The following ZNF280D variants were observed in gnomAD, a reference collection of about 807,000 sequenced individuals.
The protein encoded by ZNF280D is zinc finger protein 280D.
In ZNF280D, 39 loss-of-function variants were observed where a neutral mutation model predicts 94.7. The observed-to-expected ratio is 0.41, with a 90% CI of 0.32 to 0.54. ZNF280D has a LOEUF of 0.54. ZNF280D is among the 20% of genes least tolerant of loss of function. The pLI is 0.22. For synonymous variants in ZNF280D, 398 were observed against 377.6 expected (o/e 1.05, Z -0.63); for missense variants, 1,090 against 1,149.3 (o/e 0.95, Z 0.75).
chr15:56,667,600 T>C (rs2054382471), intron 14 of ZNF280D, among the ~76,000 whole-genome samples: 1 of 152,198 alleles, frequency 6.6e-6, no homozygotes. Context: ...ATTTCATCTG[T>C]TGGTTGACAA....
intron 20 of ZNF280D, among the ~76,000 whole-genome samples, chr15:56,640,561 C>T (rs973092833): frequency 2.6e-5 from 4 of 152,098 alleles, no homozygotes; most frequent in Non-Finnish European, 4.4e-5. Flanking sequence ...TTATTTTATT[C>T]TCCTGGCTAA....
chr15:56,643,246 G>A, intron 19 of ZNF280D: 1 of 260,876 alleles, frequency 3.8e-6, no homozygotes, highest in Non-Finnish European at 7.2e-6. Context: ...CTAAAAACAA[G>A]GACACTTAAG....
chr15:56,726,285 C>G (rs1329640814), intron 1 of ZNF280D, among the ~76,000 whole-genome samples: 2 of 151,726 alleles, frequency 1.3e-5, no homozygotes, highest in African/African-American at 4.8e-5. Flanking sequence ...GGGTGGAACT[C>G]TAACTGTCCA....
intron 1 of ZNF280D, among the ~76,000 whole-genome samples, chr15:56,718,968 C>A (rs1744231312): frequency 1.3e-5 from 2 of 152,156 alleles, no homozygotes. Context: ...CTCACCTACT[C>A]CTTTTTAACT....
intron 17 of ZNF280D, among the ~76,000 whole-genome samples, chr15:56,656,385 C>T (rs1420354129): frequency 7.9e-5 from 12 of 152,036 alleles, no homozygotes; most frequent in African/African-American, 2.9e-4. Context: ...AAAAAACATC[C>T]CAGATCTTTA....
chr15:56,683,079 T>C (rs1310922058), intron 9 of ZNF280D, among the ~76,000 whole-genome samples: 1 of 152,118 alleles, frequency 6.6e-6, no homozygotes, highest in Non-Finnish European at 1.5e-5. Context: ...ATACCCATAA[T>C]AGATGATAAA....
Position 56,631,556 on chromosome 15 carries a change from T to C in ZNF280D, c.2882A>G (p.Asn961Ser). Residue 961 changes from asparagine to serine, a missense_variant, in exon 22 of 22, where the codon AAT (asparagine) becomes AGT (serine). Asn to Ser is a conservative substitution (Grantham distance 46). This residue lies in a region of ZNF280D where 577 missense variants were observed against 568.8 expected (regional missense o/e 1.01). Coordinates refer to ENST00000267807, the MANE Select transcript of ZNF280D (RefSeq NM_017661.4). ...SDQTDDIPGG[N>S]NPSTTEATVD... is the part of the protein sequence containing the mutation. The stretch of plus-strand genomic sequence containing the variant: ...TGTTGCCTCTGTTGTGCTAGGGTTA[T>C]TTCCTCCAGGAATGTCATCTGTTTG... The C allele has an allele frequency of 6.2e-7, 1 of 1,614,126 alleles. No individual in the cohort carries two copies. The highest frequency in any genetic ancestry group is 8.5e-7 in the Non-Finnish European group (1 of 1,180,004).
intron 6 of ZNF280D, chr15:56,698,731 AG>A: frequency 6.6e-6 from 1 of 152,318 alleles, no homozygotes; most frequent in East Asian, 1.9e-4. Flanking sequence ...CATCTTGCTA[AG>A]GACTCACTCT....
chr15:56,674,889 T>C (rs2055110803), intron 13 of ZNF280D, among the ~76,000 whole-genome samples: 1 of 151,968 alleles, frequency 6.6e-6, no homozygotes, highest in Non-Finnish European at 1.5e-5. Flanking sequence ...ACAACTGAGT[T>C]CTTCAAAGAC....
Position 56,666,553 on chromosome 15 carries a change from A to C in ZNF280D, c.1854-18T>G, listed in dbSNP as rs766066241. 1.2e-5 allele frequency: 19 copies of C among 1,560,600 alleles called. No individual in the cohort carries two copies. The highest frequency in any genetic ancestry group is 1.6e-5 in the Non-Finnish European group (19 of 1,163,304). On this transcript the variant is annotated intron_variant, in intron 15 of 21. Coordinates refer to ENST00000267807, the MANE Select transcript of ZNF280D (RefSeq NM_017661.4). ...GACGATACCTTAGGGAGACATTAAA[A>C]AAATGATAAAAATATATTTTAAAAC...
At chr15:56,673,160 A>AT (rs2054981561) in intron 13 of ZNF280D, among the ~76,000 whole-genome samples, 1 of 152,044 alleles carries the variant, frequency 6.6e-6, no homozygotes, top group African/African-American at 2.4e-5. Flanking sequence ...TGGTTTTTAA[A>AT]TACCATCTAT....
Position 56,669,888 on chromosome 15 carries a change from T to TATAA in ZNF280D, c.1411-932_1411-931insTTAT, listed in dbSNP as rs371784062. ...TATATATATTTTATATATATATATA[T>TATAA]TATATATATATATAATATATATATA... is the stretch of plus-strand genomic sequence containing the variant. On this transcript the variant is annotated intron_variant, in intron 13 of 21. Coordinates refer to ENST00000267807, the MANE Select transcript of ZNF280D (RefSeq NM_017661.4). 5.0e-3 allele frequency among the ~76,000 whole-genome samples: 24 copies of TATAA among 4,766 alleles called. 2 individuals are homozygous for TATAA. The highest frequency in any genetic ancestry group is 0.012 in the African/African-American group (24 of 2,066). The allele number at this position is 4,766 out of a possible 152,430, so 3.1% of individuals were successfully genotyped here.
At chr15:56,728,034 ATTTTTT>A (rs66766415) in intron 1 of ZNF280D, among the ~76,000 whole-genome samples, 36 of 146,716 alleles carry the variant, frequency 2.5e-4, no homozygotes, top group Middle Eastern at 3.4e-3. Context: ...TACTTAATAC[ATTTTTT>A]TTTTTTTAAG....
intron 17 of ZNF280D, among the ~76,000 whole-genome samples, chr15:56,657,295 CTT>C (rs1182874999): frequency 6.6e-6 from 1 of 152,000 alleles, no homozygotes; most frequent in African/African-American, 2.4e-5. Flanking sequence ...GTATAATTCT[CTT>C]TATTTTCAAA....
intron 16 of ZNF280D, among the ~76,000 whole-genome samples, chr15:56,660,750 A>C (rs2053884250): frequency 6.6e-6 from 1 of 152,176 alleles, no homozygotes; most frequent in African/African-American, 2.4e-5. Context: ...TTCTCTAAAA[A>C]TAGGTGAATT....
In ZNF280D at chr15:56,631,521, C is replaced by T. The variant is rs758590594; in HGVS notation, c.2917G>A (p.Glu973Lys). Residue 973 changes from glutamate to lysine, a missense_variant, in exon 22 of 22, where the codon GAA (glutamate) becomes AAA (lysine). Physicochemically the swap from Glu to Lys is moderately conservative, Grantham distance 56. Around this residue, in one of 3 missense-constraint regions of ZNF280D, gnomAD observed 577 missense variants for 568.8 expected, o/e 1.01. Transcript: ENST00000267807. ...TTTCAACTTCTTTCTTTTTCGTCTTCCAGGTCTACTGTTGCCTCTGTTGTG... is the reference window on the plus strand; with the variant it reads ...TTTCAACTTCTTTCTTTTTCGTCTTTCAGGTCTACTGTTGCCTCTGTTGTG... ...PSTTEATVDL[E>K]DEKERS 6.2e-6 allele frequency: 10 copies of T among 1,611,164 alleles called. No homozygotes were observed. The highest frequency in any genetic ancestry group is 3.3e-5 in the Admixed American group (2 of 59,860).
At chr15:56,722,997 A>G (rs2058447800) in intron 1 of ZNF280D, among the ~76,000 whole-genome samples, 1 of 149,650 alleles carries the variant, frequency 6.7e-6, no homozygotes. Context: ...CAAACACCGC[A>G]TATTCTCACT....
At position 56,630,644 on chromosome 15, in the gene ZNF280D, T is replaced by G. The variant is rs771920513; in HGVS notation, c.*854A>C. The G allele has an allele frequency of 5.3e-5, 8 of 152,292 alleles. No homozygotes were observed. The highest frequency in any genetic ancestry group is 8.8e-5 in the Non-Finnish European group (6 of 68,012). 9.4% of individuals were successfully genotyped at this position (152,292 alleles called of 1,614,324 possible). On this transcript the variant is annotated 3_prime_UTR_variant, in exon 22 of 22. Coordinates refer to ENST00000267807, the MANE Select transcript of ZNF280D (RefSeq NM_017661.4). ...GGCTTCCAGACCATTTTTATGGGCC[T>G]ATTTCTAAGGAAGATCATTAAAACA...
At chr15:56,640,459 G>A (rs1044366867) in intron 20 of ZNF280D, among the ~76,000 whole-genome samples, 1 of 151,968 alleles carries the variant, frequency 6.6e-6, no homozygotes. Flanking sequence ...TTTCTAGAAT[G>A]TTAGTCAGAA....
Sources: allele counts gnomAD v4.1 joint callset (sites outside exome capture counted in the v4.1 genomes callset), GRCh38; gene constraint gnomAD v4.1.1; regional missense constraint gnomAD v4.1.1; transcripts MANE v1.5; gene names NCBI Gene and HGNC (gene_info 2026-07-23, HGNC 2026-07-21).